COPG2: variants seen among roughly 807,000 people sequenced by gnomAD.
The protein encoded by COPG2 is coat protein complex I subunit gamma 2.
In COPG2, 37 loss-of-function variants were observed where a neutral mutation model predicts 46.3. That is an observed-to-expected ratio of 0.80 (90% CI 0.61 to 1.05). COPG2 has a LOEUF of 1.05. Ranked by LOEUF, COPG2 falls within the 50% of genes least tolerant of loss-of-function variation. The pLI is 0.00. For missense variants in COPG2, 427 were observed against 387.8 expected (o/e 1.10, Z -0.85); for synonymous variants, 159 against 129.7 (o/e 1.23, Z -1.53).
At position 130,524,646 on chromosome 7, in the gene COPG2, T is replaced by A. The variant is rs1799757067; in HGVS notation, c.2150-15987A>T. The stretch of plus-strand genomic sequence containing the variant: ...GAGCGGATGCAGAGAATCCAGGGAC[T>A]TTACCCCAGATGGGGCAAAGTGTGT... On this transcript the variant is annotated intron_variant, in intron 20 of 23. Transcript: ENST00000425248. Among the ~76,000 whole-genome samples the A allele has an allele frequency of 2.6e-5, 4 of 152,144 alleles. 1 individual carries two copies. The South Asian group carries it at 8.3e-4, about 32-fold the overall frequency.
intron 7 of COPG2, among the ~76,000 whole-genome samples, chr7:130,612,951 C>CCCCA (rs1274527700): frequency 6.6e-6 from 1 of 152,152 alleles, no homozygotes; most frequent in African/African-American, 2.4e-5. Flanking sequence ...CTGTCCCATA[C>CCCCA]CCCACACTTA....
chr7:130,560,599 A>G (rs967290664), intron 12 of COPG2, among the ~76,000 whole-genome samples: 7 of 152,218 alleles, frequency 4.6e-5, no homozygotes, highest in African/African-American at 1.7e-4. Context: ...TTAGTGTGGT[A>G]CTGGTACTGG....
intron 5 of COPG2, among the ~76,000 whole-genome samples, chr7:130,641,138 A>T (rs1162407763): frequency 6.7e-6 from 1 of 149,828 alleles, no homozygotes; most frequent in Non-Finnish European, 1.5e-5. Context: ...TCAGGAGTTC[A>T]AGACCAACCT....
intron 4 of COPG2, among the ~76,000 whole-genome samples, chr7:130,661,819 G>A (rs372000099): frequency 1.6e-4 from 25 of 152,252 alleles, no homozygotes; most frequent in East Asian, 1.2e-3. Context: ...TGATGAGCTC[G>A]GAGTTTTAAA....
intron 9 of COPG2, among the ~76,000 whole-genome samples, chr7:130,604,448 T>G (rs935772396): frequency 1.3e-5 from 2 of 152,234 alleles, no homozygotes; most frequent in African/African-American, 4.8e-5. Flanking sequence ...TTCAATATAA[T>G]TATAAATTGT....
chr7:130,634,846 T>C (rs1269418028), intron 5 of COPG2, among the ~76,000 whole-genome samples: 3 of 152,002 alleles, frequency 2.0e-5, no homozygotes, highest in Non-Finnish European at 2.9e-5. Context: ...GGCTGTGGGT[T>C]TGTCATAAAT....
chr7:130,621,978 A>C (rs1450980051), intron 5 of COPG2, among the ~76,000 whole-genome samples: 1 of 151,584 alleles, frequency 6.6e-6, no homozygotes, highest in Non-Finnish European at 1.5e-5. Flanking sequence ...ACAACAAAAA[A>C]ACTTTATTTA....
At position 130,622,862 on chromosome 7, in the gene COPG2, C is replaced by T. The variant is rs1221615799; in HGVS notation, c.324-5797G>A. The stretch of plus-strand genomic sequence containing the variant: ...ACCACTGTCAGAGGCAAGAAAGCAC[C>T]AAAATATACTCAAGGGAATACCATG... On this transcript the variant is annotated intron_variant, in intron 5 of 23. Coordinates refer to ENST00000425248, the MANE Select transcript of COPG2 (RefSeq NM_012133.6). 2.0e-5 allele frequency among the ~76,000 whole-genome samples: 3 copies of T among 152,262 alleles called. No homozygotes were observed. The East Asian group carries it at 5.8e-4, about 29-fold the overall frequency.
intron 20 of COPG2, among the ~76,000 whole-genome samples, chr7:130,518,534 G>C (rs1799698068): frequency 1.3e-5 from 2 of 152,116 alleles, no homozygotes; most frequent in African/African-American, 4.8e-5. Context: ...TGAGAAGAAT[G>C]ATGTATCCAT....
chr7:130,596,585 G>T (rs1290668369), intron 9 of COPG2, among the ~76,000 whole-genome samples: 3 of 152,170 alleles, frequency 2.0e-5, no homozygotes, highest in African/African-American at 7.2e-5. Flanking sequence ...AGGGACACCT[G>T]GACACCAAGG....
chr7:130,586,235 T>C (rs541341505), intron 9 of COPG2, among the ~76,000 whole-genome samples: 57 of 152,108 alleles, frequency 3.7e-4, no homozygotes, highest in Non-Finnish European at 3.5e-4. Flanking sequence ...CCAAACATTG[T>C]ATGTTCTCAC....
chr7:130,613,753 C>A, intron 6 of COPG2, 117 bp from the exon 7 acceptor site: 1 of 690,828 alleles, frequency 1.4e-6, no homozygotes, highest in Non-Finnish European at 2.5e-6. Context: ...TGCAAATATT[C>A]AGAATGCACT....
In COPG2 at chr7:130,604,366, A is replaced by C. The variant is rs144598895; in HGVS notation, c.737+6587T>G. Among the ~76,000 whole-genome samples the C allele has an allele frequency of 5.9e-5, 9 of 152,352 alleles. No homozygotes were observed. In the East Asian group the frequency reaches 1.7e-3, roughly 29 times the overall value. ...TATATGCCTCATTTACTTAGGTCATACTTTAATATTGTGTAATTTTCTGTG... is the reference window on the plus strand; with the variant it reads ...TATATGCCTCATTTACTTAGGTCATCCTTTAATATTGTGTAATTTTCTGTG... On this transcript the variant is annotated intron_variant, in intron 9 of 23. Transcript: ENST00000425248.
chr7:130,553,867 G>C (rs1347898142), intron 14 of COPG2, among the ~76,000 whole-genome samples: 5 of 152,122 alleles, frequency 3.3e-5, no homozygotes, highest in Non-Finnish European at 7.4e-5. Flanking sequence ...CACATCAAGT[G>C]GACTGAGTGT....
intron 20 of COPG2, among the ~76,000 whole-genome samples, chr7:130,522,301 G>C (rs1202597747): frequency 6.6e-6 from 1 of 152,150 alleles, no homozygotes; most frequent in Non-Finnish European, 1.5e-5. Context: ...ACAGTATGAA[G>C]ATAATGAAAA....
At chr7:130,513,179 G>T (rs1554441226) in intron 20 of COPG2, among the ~76,000 whole-genome samples, 2 of 150,716 alleles carry the variant, frequency 1.3e-5, no homozygotes, top group African/African-American at 4.9e-5. Flanking sequence ...CCAGCTACTT[G>T]GGAGGCTGAG....
At chr7:130,616,558 C>A (rs1382719290) in intron 6 of COPG2, among the ~76,000 whole-genome samples, 1 of 152,070 alleles carries the variant, frequency 6.6e-6, no homozygotes, top group East Asian at 1.9e-4. Flanking sequence ...CCACTGCACT[C>A]CAGCCTGGGC....
At chr7:130,612,641 C>T (rs1368239094) in intron 7 of COPG2, among the ~76,000 whole-genome samples, 1 of 152,174 alleles carries the variant, frequency 6.6e-6, no homozygotes, top group Non-Finnish European at 1.5e-5. Flanking sequence ...ATCAGGAACT[C>T]TTGTATTTAG....
At chr7:130,509,710 G>C in intron 20 of COPG2, 1 of 519,678 alleles carries the variant, frequency 1.9e-6, no homozygotes, top group Middle Eastern at 3.2e-4. Context: ...CATGATCTCT[G>C]TCTCTAGGAG....
Sources: gnomAD v4.1 joint callset for allele counts (sites outside exome capture counted in the v4.1 genomes callset) on GRCh38, gnomAD v4.1.1 for gene constraint, MANE v1.5 for transcripts, NCBI Gene and HGNC (gene_info 2026-07-23, HGNC 2026-07-21) for gene names.